Variants in PLCB1 observed in about 807,000 individuals in gnomAD.
PLCB1 encodes 1-phosphatidylinositol 4,5-bisphosphate phosphodiesterase beta-1.
In PLCB1, 46 loss-of-function variants were observed where a neutral mutation model predicts 161.8. That is an observed-to-expected ratio of 0.28 (90% confidence interval 0.22 to 0.36). The LOEUF (loss-of-function observed/expected upper bound fraction) is 0.36. Ranked by LOEUF, PLCB1 falls within the 10% of genes least tolerant of loss-of-function variation. PLCB1 has a pLI of 1.00. For synonymous variants in PLCB1, 517 were observed against 503.7 expected, an observed-to-expected ratio of 1.03 and a Z score of -0.35; for missense variants, 1,016 against 1,472.5, an observed-to-expected ratio of 0.69 and a Z score of 5.07.
At chr20:8,754,941 G>A (rs926389056) in intron 23 of PLCB1, among the ~76,000 whole-genome samples, 2 of 152,126 alleles carry the variant, frequency 1.3e-5, no homozygotes, top group Non-Finnish European at 2.9e-5. Flanking sequence ...ATAATTCTAG[G>A]GAGAATTTTT....
intron 2 of PLCB1, among the ~76,000 whole-genome samples, chr20:8,159,182 C>G (rs1254945674): frequency 1.3e-5 from 2 of 152,194 alleles, no homozygotes; most frequent in Admixed American, 6.5e-5. Context: ...CATACATCCT[C>G]TGAAATCTAG....
At chr20:8,803,205 T>C (rs1169257335) in intron 31 of PLCB1, among the ~76,000 whole-genome samples, 2 of 152,010 alleles carry the variant, frequency 1.3e-5, no homozygotes, top group Non-Finnish European at 2.9e-5. Flanking sequence ...CCTGTTAAAC[T>C]GCAGACACTT....
Position 8,717,676 on chromosome 20 carries a change from A to G in PLCB1, c.1341A>G (p.Glu447=), listed in dbSNP as rs758190688. The G allele has an allele frequency of 6.2e-7, 1 of 1,603,756 alleles. No homozygotes were observed. The highest frequency in any genetic ancestry group is 8.5e-7 in the Non-Finnish European group (1 of 1,176,416). The part of the protein sequence containing the change: ...LMEPLEKYPL[E]SGVPLPSPMD... ...ATGCCTTTCATTTCTATTAGCTGGA[A>G]TCTGGAGTTCCTCTTCCAAGCCCTA... Residue 447 remains glutamate (E), a synonymous_variant, in exon 14 of 32, where the codon GAA becomes GAG. Coordinates refer to ENST00000338037, the MANE Select transcript of PLCB1 (RefSeq NM_015192.4).
chr20:8,287,509 T>G (rs753419813), intron 2 of PLCB1, among the ~76,000 whole-genome samples: 1 of 152,200 alleles, frequency 6.6e-6, no homozygotes, highest in Non-Finnish European at 1.5e-5. Flanking sequence ...TGTGGCTCCA[T>G]GTAGATGATT....
chr20:8,648,010 C>T, intron 6 of PLCB1, 57 bp downstream of exon 6: 2 of 1,238,340 alleles, frequency 1.6e-6, no homozygotes, highest in Non-Finnish European at 2.3e-6. Flanking sequence ...GATCTGAATC[C>T]ATGCCATGGC....
intron 31 of PLCB1, among the ~76,000 whole-genome samples, chr20:8,791,802 A>G (rs1983771211): frequency 6.6e-6 from 1 of 152,238 alleles, no homozygotes; most frequent in Non-Finnish European, 1.5e-5. Flanking sequence ...CATCATGATT[A>G]AAATCAACCT....
At position 8,737,014 on chromosome 20, in the gene PLCB1, T is replaced by G. The variant is rs772715933; in HGVS notation, c.2044-14T>G. 3 of 1,596,796 alleles carry G rather than the reference T, an allele frequency of 1.9e-6. No individual in the cohort carries two copies. The highest frequency in any genetic ancestry group is 1.3e-5 in the African/African-American group (1 of 74,584). ...AAAATTCCTTATGGATTGATTGATT[T>G]ATTGATTTTCTAGATTATTTCAGGT... On this transcript the variant is annotated splice_polypyrimidine_tract_variant and intron_variant, in intron 19 of 31. Transcript: ENST00000338037.
intron 3 of PLCB1, among the ~76,000 whole-genome samples, chr20:8,404,112 G>A (rs1231116115): frequency 1.3e-5 from 2 of 152,218 alleles, no homozygotes; most frequent in South Asian, 4.1e-4. Context: ...CAATTAAGAT[G>A]AATTTTTCTT....
At chr20:8,199,913 A>G (rs546745316) in intron 2 of PLCB1, among the ~76,000 whole-genome samples, 2 of 152,284 alleles carry the variant, frequency 1.3e-5, no homozygotes, top group East Asian at 1.9e-4. Context: ...AGTCGATTCT[A>G]CAGTGAGCAT....
chr20:8,253,982 C>T (rs537955751), intron 2 of PLCB1, among the ~76,000 whole-genome samples: 15 of 152,058 alleles, frequency 9.9e-5, no homozygotes, highest in Admixed American at 7.2e-4. Flanking sequence ...TAGTATCCCA[C>T]GGTGTACATA....
chr20:8,177,684 G>A (rs1467419363), intron 2 of PLCB1, among the ~76,000 whole-genome samples: 1 of 151,866 alleles, frequency 6.6e-6, no homozygotes, highest in Non-Finnish European at 1.5e-5. Flanking sequence ...ATGTGATTCA[G>A]CTTTTTAAAA....
intron 3 of PLCB1, among the ~76,000 whole-genome samples, chr20:8,404,355 A>C (rs1422040197): frequency 1.3e-5 from 2 of 152,234 alleles, no homozygotes; most frequent in African/African-American, 2.4e-5. Flanking sequence ...TTCCATTCTG[A>C]AAATTTTTAC....
At chr20:8,156,227 A>T (rs2051560323) in intron 2 of PLCB1, among the ~76,000 whole-genome samples, 1 of 152,200 alleles carries the variant, frequency 6.6e-6, no homozygotes, top group Non-Finnish European at 1.5e-5. Context: ...GATTCAGTGG[A>T]TAAATACCAC....
chr20:8,382,449 ATT>A (rs35089244), intron 3 of PLCB1, among the ~76,000 whole-genome samples: 2 of 148,460 alleles, frequency 1.3e-5, no homozygotes, highest in African/African-American at 2.5e-5. Flanking sequence ...CACCTGGCTA[ATT>A]TTTTTGTATT....
At chr20:8,806,984 T>C (rs1314927011) in intron 31 of PLCB1, among the ~76,000 whole-genome samples, 1 of 152,036 alleles carries the variant, frequency 6.6e-6, no homozygotes, top group Non-Finnish European at 1.5e-5. Flanking sequence ...AGTAAAGAGA[T>C]TTTTCTGAAA....
chr20:8,596,891 T>G (rs1367324379), intron 3 of PLCB1, among the ~76,000 whole-genome samples: 1 of 152,284 alleles, frequency 6.6e-6, no homozygotes, highest in Admixed American at 6.5e-5. Flanking sequence ...ACTCATGATT[T>G]GGCTCTCTGT....
intron 3 of PLCB1, among the ~76,000 whole-genome samples, chr20:8,536,516 T>C (rs1985055913): frequency 6.6e-6 from 1 of 152,132 alleles, no homozygotes; most frequent in Non-Finnish European, 1.5e-5. Context: ...TGGTTCTCAC[T>C]GGGGGCCTCT....
chr20:8,623,857 T>C (rs1988254529), intron 3 of PLCB1: 1 of 152,222 alleles, frequency 6.6e-6, no homozygotes, highest in Non-Finnish European at 1.5e-5. Context: ...TGGTACACCC[T>C]GGTGAACAGA....
chr20:8,825,010 T>C (rs894582044), intron 31 of PLCB1, among the ~76,000 whole-genome samples: 2 of 152,182 alleles, frequency 1.3e-5, no homozygotes, highest in African/African-American at 2.4e-5. Context: ...GTTGGCATTA[T>C]ATCTCTTCCC....
Sources: allele counts gnomAD v4.1 joint callset (sites outside exome capture counted in the v4.1 genomes callset), GRCh38; gene constraint gnomAD v4.1.1; transcripts MANE v1.5; gene names NCBI Gene and HGNC (gene_info 2026-07-23, HGNC 2026-07-21).